The following XIRP2 variants were observed in gnomAD, a reference collection of about 807,000 sequenced individuals.
XIRP2 encodes the protein xin actin-binding repeat-containing protein 2.
In XIRP2, 236 loss-of-function variants were observed where a neutral mutation model predicts 277.0. The observed-to-expected ratio is 0.85, with a 90% CI of 0.77 to 0.95. XIRP2 has a LOEUF of 0.95. Ranked by LOEUF, XIRP2 falls within the 40% of genes least tolerant of loss-of-function variation. The pLI is 0.00. For missense variants in XIRP2, 4,640 were observed against 4,157.5 expected (o/e 1.12, Z -3.19); for synonymous variants, 1,490 against 1,416.5 (o/e 1.05, Z -1.17).
intron 2 of XIRP2, among the ~76,000 whole-genome samples, chr2:166,963,675 G>A (rs1019543003): frequency 2.0e-5 from 3 of 151,786 alleles, no homozygotes; most frequent in African/African-American, 7.2e-5. Flanking sequence ...ATGTGAGATG[G>A]ATTCAGGAAC....
rs3749003 is a variant in XIRP2 at position 167,250,841 on chromosome 2, A to G, written c.9449A>G (p.Tyr3150Cys). The G allele has an allele frequency of 3.3e-3, 5,351 of 1,613,560 alleles. 218 individuals are homozygous for G. The East Asian group carries it at 0.09, about 27-fold the overall frequency. The change falls in exon 9 of 11, where the codon TAT (tyrosine) becomes TGT (cysteine). Residue 3150 changes from tyrosine to cysteine, a missense_variant. Physicochemically the swap from Tyr to Cys is radical, Grantham distance 194. Coordinates refer to ENST00000409195, the MANE Select transcript of XIRP2 (RefSeq NM_152381.6). The stretch of plus-strand genomic sequence containing the variant: ...TCTCAGTCCCCTAAAAAGGACAGTT[A>G]TGTTGAACCCCCACCAAGAAGGCCC... ...ELSQSPKKDS[Y>C]VEPPPRRPMS...
rs1189393782 is a variant in XIRP2, at chr2:166,903,655, A to G, written c.173A>G (p.Asp58Gly). 6.2e-7 allele frequency: 1 copy of G among 1,613,688 alleles called. No homozygotes were observed. Reference sequence around the variant, plus strand: ...GTAGTATCAGCACCTCAATCTTTGGATCCCACAAGTCTGCCCTACAGTACA... The same window carrying G: ...GTAGTATCAGCACCTCAATCTTTGGGTCCCACAAGTCTGCCCTACAGTACA... ...GEVVSAPQSL[D>G]PTSLPYSTGE... The change falls in exon 2 of 11, where the codon GAT becomes GGT. Residue 58 changes from aspartate (D) to glycine (G), a missense_variant. Coordinates refer to ENST00000409195, the MANE Select transcript of XIRP2 (RefSeq NM_152381.6).
intron 2 of XIRP2, among the ~76,000 whole-genome samples, chr2:167,030,654 T>C (rs1416256822): frequency 6.6e-6 from 1 of 152,176 alleles, no homozygotes. Flanking sequence ...TTAGAATAAG[T>C]GCGATGTGGT....
chr2:167,014,919 A>G (rs772613931), intron 2 of XIRP2, among the ~76,000 whole-genome samples: 2 of 151,834 alleles, frequency 1.3e-5, no homozygotes, highest in Non-Finnish European at 2.9e-5. Flanking sequence ...TTTTAACACT[A>G]CGGTAATACA....
intron 4 of XIRP2, among the ~76,000 whole-genome samples, chr2:167,214,957 G>C (rs545434893): frequency 1.3e-5 from 2 of 152,154 alleles, no homozygotes; most frequent in Non-Finnish European, 2.9e-5. Context: ...TTTACCAGGA[G>C]AGCATCCGGT....
At position 166,894,731 on chromosome 2, in the gene XIRP2, T is replaced by G. The variant is rs147548919; in HGVS notation, c.-19+6174T>G. On this transcript the variant is annotated intron_variant, in intron 1 of 10. Coordinates refer to ENST00000409195, the MANE Select transcript of XIRP2 (RefSeq NM_152381.6). The stretch of plus-strand genomic sequence containing the variant: ...CAGGCAATGTGTTAGAAGCGAAGGA[T>G]AAACTACTGAACAAAAACTGGGATG... Among the ~76,000 whole-genome samples, 641 of 152,286 alleles carry G rather than the reference T, an allele frequency of 4.2e-3. 5 individuals are homozygous for G. Among genetic ancestry groups the G allele is most frequent in the African/African-American group, 0.015 (606 of 41,570 alleles).
intron 2 of XIRP2, among the ~76,000 whole-genome samples, chr2:167,085,694 G>A (rs1689919194): frequency 2.0e-5 from 3 of 151,760 alleles, no homozygotes; most frequent in Non-Finnish European, 4.4e-5. Flanking sequence ...TTACCATTAT[G>A]TAATGGCCTT....
At chr2:167,013,910 A>T (rs1687751298) in intron 2 of XIRP2, among the ~76,000 whole-genome samples, 1 of 151,266 alleles carries the variant, frequency 6.6e-6, no homozygotes, top group African/African-American at 2.4e-5. Flanking sequence ...ACTCTGATAT[A>T]TCAGCTCAGT....
intron 2 of XIRP2, among the ~76,000 whole-genome samples, chr2:166,912,165 G>T (rs931189336): frequency 6.6e-6 from 1 of 152,266 alleles, no homozygotes; most frequent in Middle Eastern, 3.4e-3. Context: ...GCCTTGCTAG[G>T]TTGGGGAAGT....
intron 2 of XIRP2, among the ~76,000 whole-genome samples, chr2:167,030,256 C>G (rs1345974766): frequency 6.6e-6 from 1 of 152,086 alleles, no homozygotes; most frequent in African/African-American, 2.4e-5. Flanking sequence ...CTTCCACCAA[C>G]TTTTGAATTT....
At position 167,248,133 on chromosome 2, in the gene XIRP2, C is replaced by T. The variant is rs1381872613; in HGVS notation, c.6741C>T (p.His2247=). ...ATNKKRETDV[H]LKSQDFLMKT... ...ACAAAAAGCGGGAGACTGATGTTCACTTGAAAAGCCAGGACTTTCTAATGA... is the reference window on the plus strand; with the variant it reads ...ACAAAAAGCGGGAGACTGATGTTCATTTGAAAAGCCAGGACTTTCTAATGA... Residue 2247 remains histidine, a synonymous_variant, in exon 9 of 11, where the codon CAC becomes CAT. Transcript: ENST00000409195. The T allele has an allele frequency of 6.2e-7, 1 of 1,613,436 alleles. No individual in the cohort carries two copies. The highest frequency in any genetic ancestry group is 1.1e-5 in the South Asian group (1 of 90,968).
rs79088563 is a variant in XIRP2 at position 166,933,764 on chromosome 2, T to C, written c.408+29874T>C. Reference sequence around the variant, plus strand: ...GTTGAGGAAGTTAACCAGATTTTACTATTTATTACAAAGCTACAATAATGA... The same window carrying C: ...GTTGAGGAAGTTAACCAGATTTTACCATTTATTACAAAGCTACAATAATGA... On this transcript the variant is annotated intron_variant, in intron 2 of 10. Coordinates refer to ENST00000409195, the MANE Select transcript of XIRP2 (RefSeq NM_152381.6). Among the ~76,000 whole-genome samples, 18 of 152,290 alleles carry C rather than the reference T, an allele frequency of 1.2e-4. No individual in the cohort carries two copies. In the East Asian group the frequency reaches 3.5e-3, roughly 29 times the overall value.
At chr2:166,918,451 G>T (rs979877461) in intron 2 of XIRP2, among the ~76,000 whole-genome samples, 5 of 151,830 alleles carry the variant, frequency 3.3e-5, no homozygotes, top group Non-Finnish European at 7.4e-5. Flanking sequence ...AAATGATAGA[G>T]TATGAAAATC....
At position 167,258,307 on chromosome 2, in the gene XIRP2, A is replaced by G. The variant is rs1183864161; in HGVS notation, c.*490A>G. ...CTCTGCTAGAAGATGTTAGAACTCC[A>G]GAAAATAAAGGACAAAGACAAGATC... is the stretch of plus-strand genomic sequence containing the variant. On this transcript the variant is annotated 3_prime_UTR_variant, in exon 11 of 11. Coordinates refer to ENST00000409195, the MANE Select transcript of XIRP2 (RefSeq NM_152381.6). The G allele has an allele frequency of 2.5e-6, 4 of 1,613,354 alleles. No homozygotes were observed. In the Admixed American group the frequency reaches 6.7e-5, roughly 27 times the overall value.
intron 2 of XIRP2, among the ~76,000 whole-genome samples, chr2:167,002,400 T>A (rs561477183): frequency 2.0e-5 from 2 of 101,004 alleles, no homozygotes; most frequent in East Asian, 3.8e-3. Flanking sequence ...TTTATTTAAG[T>A]GTCTAACATG....
intron 2 of XIRP2, among the ~76,000 whole-genome samples, chr2:167,022,120 G>T (rs1174308065): frequency 6.6e-6 from 1 of 152,080 alleles, no homozygotes; most frequent in Admixed American, 6.6e-5. Flanking sequence ...CACAGTCACA[G>T]TTTTAATATA....
intron 2 of XIRP2, among the ~76,000 whole-genome samples, chr2:167,017,835 G>T (rs964977045): frequency 3.9e-5 from 6 of 151,942 alleles, no homozygotes; most frequent in Non-Finnish European, 5.9e-5. Context: ...AACATCTTCG[G>T]GAACATTAAT....
intron 2 of XIRP2, among the ~76,000 whole-genome samples, chr2:167,034,514 A>T (rs564652240): frequency 5.3e-5 from 8 of 152,164 alleles, no homozygotes; most frequent in Non-Finnish European, 1.0e-4. Context: ...AAGAAAAAAA[A>T]AAAGACCCAG....
chr2:167,100,501 G>A (rs747198090), intron 2 of XIRP2, among the ~76,000 whole-genome samples: 1 of 152,190 alleles, frequency 6.6e-6, no homozygotes, highest in Non-Finnish European at 1.5e-5. Flanking sequence ...CTCCTTGATA[G>A]AAGCAGACCA....
Sources: allele counts gnomAD v4.1 joint callset (sites outside exome capture counted in the v4.1 genomes callset), GRCh38; gene constraint gnomAD v4.1.1; transcripts MANE v1.5; gene names NCBI Gene and HGNC (gene_info 2026-07-23, HGNC 2026-07-21).